RBPJ: variants seen among roughly 807,000 people sequenced by gnomAD.
RBPJ encodes recombination signal binding protein for immunoglobulin kappa J region, also known as recombining binding protein suppressor of hairless.
A neutral mutation model predicts 67.8 loss-of-function variants in RBPJ; 9 were observed. That is an observed-to-expected ratio of 0.13 (90% confidence interval 0.08 to 0.23). The LOEUF (loss-of-function observed/expected upper bound fraction) is 0.23. Ranked by LOEUF, RBPJ falls within the 10% of genes least tolerant of loss-of-function variation. The pLI, the probability that RBPJ is intolerant of heterozygous loss-of-function variation, is 1.00. For missense variants in RBPJ, 305 were observed against 595.6 expected (o/e 0.51, Z 5.08); for synonymous variants, 198 against 203.3 (o/e 0.97, Z 0.22).
chr4:26,375,854 A>T (rs747954909), intron 1 of RBPJ, among the ~76,000 whole-genome samples: 1 of 152,166 alleles, frequency 6.6e-6, no homozygotes, highest in Non-Finnish European at 1.5e-5. Flanking sequence ...TGGATTCTAG[A>T]ACAGACTTCA....
chr4:26,424,851 T>A lies in RBPJ; in HGVS notation c.747+108T>A. On this transcript the variant is annotated intron_variant, in intron 7 of 10. Transcript: ENST00000355476. The surrounding 1 kb of genome is among the most constrained non-coding windows in gnomAD (Gnocchi z 5.3). ...AAACACACCTCAGTTTTATGCTTTT[T>A]AATTTTAAAAGGTATGTTAGTAATC... 1.5e-6 allele frequency: 1 copy of A among 662,174 alleles called. No homozygotes were observed. The highest frequency in any genetic ancestry group is 2.6e-6 in the Non-Finnish European group (1 of 379,274). The allele number at this position is 662,174 out of a possible 1,614,324, so 41.0% of individuals were successfully genotyped here. A position where few individuals can be genotyped will look rare whatever the true frequency, so the allele number is the denominator to read the frequency against.
At chr4:26,111,291 C>T in the RBPJ span, among the ~76,000 whole-genome samples, 7 of 152,286 alleles carry the variant, frequency 4.6e-5, 1 homozygote, top group Admixed American at 2.6e-4. Flanking sequence ...CACATCTCTG[C>T]AAGCAGCTCT....
the RBPJ span, among the ~76,000 whole-genome samples, chr4:26,109,442 CTCTCTCTCTCTCTCTCTCTATATATATA>C: frequency 3.0e-4 from 9 of 29,766 alleles, 1 homozygote; most frequent in African/African-American, 9.4e-4. Flanking sequence ...CTCTCTCTCT[CTCTCTCTCTCTCTCTCTCTATATATATA>C]TATATATATA....
chr4:26,347,942 CTT>C (rs56228942), intron 1 of RBPJ, among the ~76,000 whole-genome samples: 25 of 144,972 alleles, frequency 1.7e-4, no homozygotes, highest in African/African-American at 5.4e-4. Context: ...CTGCTGTTTC[CTT>C]TTTTTTTTTC....
At chr4:26,147,579 A>G in the RBPJ span, among the ~76,000 whole-genome samples, 1 of 152,240 alleles carries the variant, frequency 6.6e-6, no homozygotes, top group South Asian at 2.1e-4. Flanking sequence ...TCAGAGAGTG[A>G]AACTCCCAAA....
intron 1 of RBPJ, among the ~76,000 whole-genome samples, chr4:26,263,202 T>C (rs567436046): frequency 5.3e-5 from 8 of 152,316 alleles, no homozygotes; most frequent in African/African-American, 1.9e-4. Flanking sequence ...TTTGGTGTTA[T>C]TGTCTGTTCA....
chr4:26,168,684 T>A (rs1042169258), intron 1 of RBPJ, among the ~76,000 whole-genome samples: 32 of 152,354 alleles, frequency 2.1e-4, no homozygotes, highest in African/African-American at 7.7e-4. Flanking sequence ...TTGGTTCCAT[T>A]CTCCCCGTCA....
intron 1 of RBPJ, among the ~76,000 whole-genome samples, chr4:26,251,252 A>G (rs1287849354): frequency 1.3e-5 from 2 of 152,218 alleles, no homozygotes; most frequent in African/African-American, 4.8e-5. Flanking sequence ...ATTTCACACC[A>G]GATGACATCA....
chr4:26,322,635 TA>T (rs1354290499), intron 1 of RBPJ, among the ~76,000 whole-genome samples: 3 of 149,256 alleles, frequency 2.0e-5, no homozygotes, highest in Admixed American at 6.9e-5. Flanking sequence ...CAAATGCAGT[TA>T]AAAAGTATAC....
upstream of RBPJ, chr4:26,320,984 G>A: frequency 1.2e-6 from 2 of 1,613,598 alleles, no homozygotes; most frequent in Non-Finnish European, 1.7e-6. Flanking sequence ...AAGGCGTCGG[G>A]GGGAATCTCG....
the RBPJ span, among the ~76,000 whole-genome samples, chr4:26,141,771 G>A: frequency 7.9e-5 from 12 of 152,196 alleles, no homozygotes; most frequent in South Asian, 2.1e-4. Context: ...GTAATTTTGC[G>A]TTCATTCACC....
chr4:26,210,727 C>CCTCCTTTA (rs1718372091), intron 1 of RBPJ, among the ~76,000 whole-genome samples: 1 of 61,776 alleles, frequency 1.6e-5, no homozygotes, highest in Non-Finnish European at 3.3e-5. Context: ...TTCTTTCTTT[C>CCTCCTTTA]CTTCTTTACT....
chr4:26,418,157 G>A (rs1168260727), intron 4 of RBPJ, among the ~76,000 whole-genome samples: 1 of 152,044 alleles, frequency 6.6e-6, no homozygotes, highest in Non-Finnish European at 1.5e-5. Flanking sequence ...ATTAGATTTG[G>A]TATTTCTTCT....
Position 26,321,034 on chromosome 4 carries a change from G to C in RBPJ, c.6G>C (p.Ala2=). 2 of 1,612,794 alleles carry C rather than the reference G, an allele frequency of 1.2e-6. No homozygotes were observed. The highest frequency in any genetic ancestry group is 1.7e-6 in the Non-Finnish European group (2 of 1,179,018). Reference sequence around the variant, plus strand: ...TTGGCGAGAGTTTGTGGAAGATGGCGCCTGTTGTGACAGGGTAAGTCTGAG... The same window carrying C: ...TTGGCGAGAGTTTGTGGAAGATGGCCCCTGTTGTGACAGGGTAAGTCTGAG... The part of the protein sequence containing the change: M[A]PVVTGKFGER... The change falls in exon 1 of 11, where the codon GCG becomes GCC. Residue 2 remains alanine, a synonymous_variant. Coordinates refer to ENST00000355476, the MANE Select transcript of RBPJ (RefSeq NM_015874.6).
At chr4:26,328,467 G>C (rs571146860) in intron 1 of RBPJ, among the ~76,000 whole-genome samples, 3 of 152,162 alleles carry the variant, frequency 2.0e-5, no homozygotes, top group Non-Finnish European at 4.4e-5. Context: ...TGCTGTAACC[G>C]ATATTTAGTG....
chr4:26,184,690 A>T (rs1364097419), intron 1 of RBPJ, among the ~76,000 whole-genome samples: 2 of 152,132 alleles, frequency 1.3e-5, no homozygotes, highest in Non-Finnish European at 2.9e-5. Flanking sequence ...TTGGAGTGGG[A>T]GGCCAAGTCC....
chr4:26,156,669 G>A, the RBPJ span, among the ~76,000 whole-genome samples: 2 of 151,938 alleles, frequency 1.3e-5, no homozygotes, highest in East Asian at 1.9e-4. Flanking sequence ...TGGCCAGGCT[G>A]GTCTTGAACT....
chr4:26,218,025 G>C (rs888430484), intron 1 of RBPJ, among the ~76,000 whole-genome samples: 1 of 152,194 alleles, frequency 6.6e-6, no homozygotes, highest in South Asian at 2.1e-4. Context: ...CAGCAGGACC[G>C]TCTTGCTAGG....
At chr4:26,162,734 C>T (rs565256501), upstream of RBPJ, among the ~76,000 whole-genome samples, 301 of 152,274 alleles carry the variant, frequency 2.0e-3, no homozygotes, top group Non-Finnish European at 3.7e-3. Flanking sequence ...ATGTCCTCAT[C>T]CCATGCTGCA....
Sources: gnomAD v4.1 joint callset for allele counts (sites outside exome capture counted in the v4.1 genomes callset) on GRCh38, gnomAD v4.1.1 for gene constraint, Gnocchi (gnomAD v3.1) non-coding constraint, MANE v1.5 for transcripts, NCBI Gene and HGNC (gene_info 2026-07-23, HGNC 2026-07-21) for gene names.